The following MAPK10 variants were observed in gnomAD, a reference collection of about 807,000 sequenced individuals.
MAPK10 encodes JNK3 alpha protein kinase.
Under a neutral mutation model 59.3 loss-of-function variants are expected in MAPK10, and 25 were observed. That is an observed-to-expected ratio of 0.42 (90% CI 0.31 to 0.59). MAPK10 has a LOEUF of 0.59. MAPK10 is among the 20% of genes least tolerant of loss of function. MAPK10 has a pLI of 0.15. For synonymous variants in MAPK10, 190 were observed against 200.5 expected (o/e 0.95, Z 0.44); for missense variants, 351 against 568.9 (o/e 0.62, Z 3.90).
At chr4:86,376,407 A>G (rs2904102) in intron 1 of MAPK10, among the ~76,000 whole-genome samples, 78,737 of 152,070 alleles carry the variant, frequency 0.52, 22,491 homozygotes, top group South Asian at 0.7. Context: ...TAAAACCCAT[A>G]AAAAGTTTCC....
At position 86,544,436 on chromosome 4, in the gene MAPK10, G is replaced by A. The variant is rs146605150; in HGVS notation, c.-263+49474C>T. Among the ~76,000 whole-genome samples, 512 of 152,276 alleles carry A rather than the reference G, an allele frequency of 3.4e-3. 1 individual carries two copies. The highest frequency in any genetic ancestry group is 0.012 in the African/African-American group (495 of 41,542). On this transcript the variant is annotated intron_variant, in intron 1 of 4. Coordinates refer to the MAPK10 transcript ENST00000502302. ...TTACTGCCTACATACTATTCTTACTGGAAATGGAGCAGTGTAGGAAGCCAC... is the reference window on the plus strand; with the variant it reads ...TTACTGCCTACATACTATTCTTACTAGAAATGGAGCAGTGTAGGAAGCCAC...
intron 2 of MAPK10, among the ~76,000 whole-genome samples, chr4:86,348,217 A>G (rs1041420205): frequency 1.3e-5 from 2 of 152,170 alleles, no homozygotes; most frequent in African/African-American, 4.8e-5. Flanking sequence ...TTAACACTAC[A>G]AAGAAGACAG....
At chr4:86,522,303 C>A (rs1757168173) in intron 1 of MAPK10, among the ~76,000 whole-genome samples, 1 of 152,252 alleles carries the variant, frequency 6.6e-6, no homozygotes, top group East Asian at 1.9e-4. Context: ...AAAGCCCAGA[C>A]ATGTAAAACA....
At chr4:86,410,864 G>A (rs1351931905) in intron 1 of MAPK10, among the ~76,000 whole-genome samples, 5 of 151,976 alleles carry the variant, frequency 3.3e-5, no homozygotes, top group African/African-American at 9.7e-5. Context: ...TGGATTCATT[G>A]ATTTTTCGGA....
Position 86,591,306 on chromosome 4 carries a change from T to C in MAPK10, c.-263+2604A>G, listed in dbSNP as rs144233071. Among the ~76,000 whole-genome samples, 5 of 152,296 alleles carry C rather than the reference T, an allele frequency of 3.3e-5. No homozygotes were observed. In the East Asian group the frequency reaches 7.7e-4, roughly 23 times the overall value. On this transcript the variant is annotated intron_variant, in intron 1 of 4. Coordinates refer to the MAPK10 transcript ENST00000502302. Reference sequence around the variant, plus strand: ...GTAAGTGGGATGGATTCTTTTTATATTGTATTTTCAAATTGGTTATGATAA... The same window carrying C: ...GTAAGTGGGATGGATTCTTTTTATACTGTATTTTCAAATTGGTTATGATAA...
chr4:86,301,164 C>A lies in MAPK10; in HGVS notation c.-7+53366G>T, dbSNP rs185828423. 1.1e-4 allele frequency among the ~76,000 whole-genome samples: 17 copies of A among 152,154 alleles called. No individual in the cohort carries two copies. The South Asian group carries it at 1.2e-3, about 11-fold the overall frequency. ...CAACCAAAAATGACTCCAGATATTG[C>A]CAAATGCCCAGTGGGAGAAATTGGG... On this transcript the variant is annotated intron_variant, in intron 2 of 13. Coordinates refer to ENST00000641462, the MANE Select transcript of MAPK10 (RefSeq NM_138982.4).
At chr4:86,089,530 C>A in intron 9 of MAPK10, 1 of 357,206 alleles carries the variant, frequency 2.8e-6, no homozygotes, top group Non-Finnish European at 5.0e-6. Flanking sequence ...TATTACTTTG[C>A]AATTATAACT....
rs116455918 is a variant in MAPK10, at chr4:86,460,638, C to T, written c.-262-105994G>A. On this transcript the variant is annotated intron_variant, in intron 1 of 4. Transcript: ENST00000502302. ...TGGCCATGACGCCCACGCTGGAAGG[C>T]TGTCAGTTTACAGAATAAGGGCAAG... 6.1e-3 allele frequency among the ~76,000 whole-genome samples: 924 copies of T among 152,312 alleles called. 7 individuals carry two copies. The highest frequency in any genetic ancestry group is 0.02 in the African/African-American group (826 of 41,586).
intron 3 of MAPK10, among the ~76,000 whole-genome samples, chr4:86,175,088 T>C (rs2075373647): frequency 6.6e-6 from 1 of 152,134 alleles, no homozygotes; most frequent in African/African-American, 2.4e-5. Flanking sequence ...TATTACATAA[T>C]CAAAGACAGG....
chr4:86,314,879 G>A (rs754394235), intron 2 of MAPK10, among the ~76,000 whole-genome samples: 1 of 151,984 alleles, frequency 6.6e-6, no homozygotes, highest in Non-Finnish European at 1.5e-5. Context: ...CTCTTAAAAT[G>A]AAAGCTTTGT....
At chr4:86,309,632 C>A (rs1257176425) in intron 2 of MAPK10, among the ~76,000 whole-genome samples, 1 of 152,152 alleles carries the variant, frequency 6.6e-6, no homozygotes, top group African/African-American at 2.4e-5. Context: ...AGTCTCGATT[C>A]AATTCCAGCA....
chr4:86,394,564 A>G (rs967874576), intron 1 of MAPK10, among the ~76,000 whole-genome samples: 1 of 152,084 alleles, frequency 6.6e-6, no homozygotes, highest in African/African-American at 2.4e-5. Context: ...GTGGTATGGG[A>G]TTTTTTTCAG....
intron 1 of MAPK10, among the ~76,000 whole-genome samples, chr4:86,473,630 C>T (rs534874090): frequency 1.9e-4 from 29 of 152,320 alleles, no homozygotes; most frequent in African/African-American, 6.5e-4. Context: ...ATGTGCCTTT[C>T]TGTATCCCAA....
intron 2 of MAPK10, among the ~76,000 whole-genome samples, chr4:86,304,963 A>G (rs963542047): frequency 6.6e-6 from 1 of 152,212 alleles, no homozygotes; most frequent in South Asian, 2.1e-4. Flanking sequence ...TTAAAAATAT[A>G]TGGTACTTCA....
At chr4:86,233,123 C>T (rs955265956) in intron 2 of MAPK10, among the ~76,000 whole-genome samples, 3 of 152,086 alleles carry the variant, frequency 2.0e-5, no homozygotes, top group East Asian at 1.9e-4. Context: ...TGCCCAGGGT[C>T]GTATGTCAGA....
At chr4:86,589,304 T>C (rs866599124) in intron 1 of MAPK10, among the ~76,000 whole-genome samples, 11 of 152,324 alleles carry the variant, frequency 7.2e-5, no homozygotes, top group African/African-American at 1.4e-4. Flanking sequence ...GGAAACACAG[T>C]ATGCTATCAA....
intron 3 of MAPK10, among the ~76,000 whole-genome samples, chr4:86,170,087 T>TA (rs1226743516): frequency 6.6e-6 from 1 of 151,768 alleles, no homozygotes; most frequent in Non-Finnish European, 1.5e-5. Context: ...GAACAACCGG[T>TA]ACCAGCCGCT....
At chr4:86,057,565 A>C (rs146730106) in intron 11 of MAPK10, among the ~76,000 whole-genome samples, 2,197 of 150,198 alleles carry the variant, frequency 0.015, 141 homozygotes, top group Middle Eastern at 0.031. Flanking sequence ...TAACTATTAG[A>C]AACCTACCAA....
intron 10 of MAPK10, among the ~76,000 whole-genome samples, chr4:86,066,305 T>A (rs969297973): frequency 6.6e-6 from 1 of 152,174 alleles, no homozygotes; most frequent in African/African-American, 2.4e-5. Context: ...ATTCAATATT[T>A]AATTTTTCTC....
Sources: gnomAD v4.1 joint callset for allele counts (sites outside exome capture counted in the v4.1 genomes callset) on GRCh38, gnomAD v4.1.1 for gene constraint, MANE v1.5 for transcripts, NCBI Gene and HGNC (gene_info 2026-07-23, HGNC 2026-07-21) for gene names.